HNRNPU: variants seen among roughly 807,000 people sequenced by gnomAD.
HNRNPU encodes HNRNPU antisense RNA 1.
Under a neutral mutation model 94.7 loss-of-function variants are expected in HNRNPU, and 5 were observed. That is an observed-to-expected ratio of 0.05 (90% confidence interval 0.03 to 0.11). HNRNPU has a LOEUF of 0.11. Ranked by LOEUF, HNRNPU falls within the 10% of genes least tolerant of loss-of-function variation. The pLI, the probability that HNRNPU is intolerant of heterozygous loss-of-function variation, is 1.00. For missense variants in HNRNPU, 710 were observed against 1,049.2 expected (o/e 0.68, Z 4.47); for synonymous variants, 434 against 381.6 (o/e 1.14, Z -1.60).
Position 244,863,021 on chromosome 1 carries a change from G to A in HNRNPU, c.692-291C>T, listed in dbSNP as rs530977957. On this transcript the variant is annotated intron_variant, in intron 1 of 13. Coordinates refer to ENST00000640218, the MANE Select transcript of HNRNPU (RefSeq NM_031844.3). ...TGTATCCCGAAGAGAGCGCAGAGAGGGGGAGGGGCCGAGCCCGGCGCGGCG... is the reference window on the plus strand; with the variant it reads ...TGTATCCCGAAGAGAGCGCAGAGAGAGGGAGGGGCCGAGCCCGGCGCGGCG... The A allele has an allele frequency of 2.4e-3, 891 of 364,680 alleles. 7 individuals are homozygous for A. The highest frequency in any genetic ancestry group is 0.017 in the African/African-American group (816 of 46,696). 22.6% of individuals were successfully genotyped at this position (364,680 alleles called of 1,614,324 possible).
rs1680610574 is a variant in HNRNPU, at chr1:244,853,931, C to T, written c.*519G>A. The T allele has an allele frequency of 6.5e-6, 1 of 152,760 alleles. No individual in the cohort carries two copies. Among genetic ancestry groups the T allele is most frequent in the Admixed American group, 6.5e-5 (1 of 15,278 alleles). 9.5% of individuals were successfully genotyped at this position (152,760 alleles called of 1,614,324 possible). ...GTTATTGTCAGAAACTATGATTTAG[C>T]TTACCCCCTCCACTACCCAGCAAAC... On this transcript the variant is annotated 3_prime_UTR_variant, in exon 14 of 14. Coordinates refer to ENST00000640218, the MANE Select transcript of HNRNPU (RefSeq NM_031844.3).
rs760295056 is a variant in HNRNPU at position 244,864,336 on chromosome 1, CT to C, written c.-30del. The C allele has an allele frequency of 5.6e-6, 9 of 1,606,144 alleles. No individual in the cohort carries two copies. In the Admixed American group the frequency reaches 1.6e-4, roughly 28 times the overall value. ...GAGGGCCCCGATTCACCGCTAGGCG[CT>C]GCCTCAAACTCGGCTCCGCTCACTC... is the stretch of plus-strand genomic sequence containing the variant. On this transcript the variant is annotated 5_prime_UTR_variant, in exon 1 of 14. Transcript: ENST00000640218.
At position 244,864,242 on chromosome 1, in the gene HNRNPU, C is replaced by T. The variant is rs1680940297; in HGVS notation, c.66G>A (p.Lys22=). 9 of 1,613,378 alleles carry T rather than the reference C, an allele frequency of 5.6e-6. No homozygotes were observed. Among genetic ancestry groups the T allele is most frequent in the Non-Finnish European group, 6.8e-6 (8 of 1,179,772 alleles). The change falls in exon 1 of 14, where the codon AAG becomes AAA. Residue 22 remains lysine, a synonymous_variant. Coordinates refer to ENST00000640218, the MANE Select transcript of HNRNPU (RefSeq NM_031844.3). ...TGAGACCCTTGTCAGAAAGGCGTCGCTTCTTGAGCTCCTCTTTCAGCTCCG... is the reference window on the plus strand; with the variant it reads ...TGAGACCCTTGTCAGAAAGGCGTCGTTTCTTGAGCTCCTCTTTCAGCTCCG... ...KVSELKEELK[K]RRLSDKGLKA...
intron 3 of HNRNPU, 159 bp downstream of exon 3, chr1:244,862,302 A>G (rs1680851958): frequency 1.7e-6 from 1 of 591,302 alleles, no homozygotes; most frequent in Admixed American, 3.2e-5. Flanking sequence ...GACGTGCTAA[A>G]TATTAAACTA....
chr1:244,859,164 C>A (rs1254009752), intron 5 of HNRNPU, 111 bp downstream of exon 5: 2 of 639,286 alleles, frequency 3.1e-6, no homozygotes, highest in Non-Finnish European at 5.6e-6. Flanking sequence ...GAAGTATTAA[C>A]AGAATAGATA....
chr1:244,855,104 G>C, intron 12 of HNRNPU, 60 bp from the exon 13 acceptor site: 1 of 1,366,560 alleles, frequency 7.3e-7, no homozygotes, highest in South Asian at 1.2e-5. Flanking sequence ...GGTTTGTGGG[G>C]GTGAGAGAGA....
At chr1:244,857,113 C>T (rs1680701190) in intron 8 of HNRNPU, 1 of 340,500 alleles carries the variant, frequency 2.9e-6, no homozygotes, top group African/African-American at 2.1e-5. Flanking sequence ...CAGTGGAAGG[C>T]AGTTTACCCT....
In HNRNPU at chr1:244,858,283, C is replaced by A. The variant is rs371751538; in HGVS notation, c.1231-9G>T. 3 of 1,605,060 alleles carry A rather than the reference C, an allele frequency of 1.9e-6. No homozygotes were observed. The Admixed American group carries it at 5.2e-5, about 28-fold the overall frequency. On this transcript the variant is annotated splice_polypyrimidine_tract_variant and intron_variant, in intron 6 of 13. Transcript: ENST00000640218. ...TCATCACTTTCAAAGTTCTGTTACACAGAAAAAAATTCAACAGTTAAAATC... is the reference window on the plus strand; with the variant it reads ...TCATCACTTTCAAAGTTCTGTTACAAAGAAAAAAATTCAACAGTTAAAATC...
chr1:244,862,776 A>G, intron 1 of HNRNPU, 46 bp from the exon 2 acceptor site: 1 of 1,435,244 alleles, frequency 7.0e-7, no homozygotes, highest in East Asian at 2.3e-5. Context: ...CTAAACAACA[A>G]AAAAACGCTT....
Position 244,856,439 on chromosome 1 carries a change from A to G in HNRNPU, c.1912+18T>C, listed in dbSNP as rs761282964. On this transcript the variant is annotated intron_variant, in intron 10 of 13. Coordinates refer to ENST00000640218, the MANE Select transcript of HNRNPU (RefSeq NM_031844.3). ...TAAAAAGAAGATTTCACACAGTAAC[A>G]GAATTAAAATTCCATGCCTTTCATT... 2.0e-5 allele frequency: 32 copies of G among 1,598,440 alleles called. No individual in the cohort carries two copies. The highest frequency in any genetic ancestry group is 2.2e-5 in the Non-Finnish European group (26 of 1,172,534).
At chr1:244,855,819 G>A in intron 11 of HNRNPU, 85 bp downstream of exon 11, 3 of 1,493,874 alleles carry the variant, frequency 2.0e-6, no homozygotes, top group South Asian at 1.3e-5. Flanking sequence ...CATTAATGAG[G>A]AAGAAACTTC....
intron 11 of HNRNPU, 118 bp downstream of exon 11, chr1:244,855,786 C>G: frequency 7.7e-7 from 1 of 1,295,448 alleles, no homozygotes; most frequent in Non-Finnish European, 1.1e-6. Context: ...CACATGAATA[C>G]TTTAGTTACT....
In HNRNPU at chr1:244,856,666, A is replaced by T. The variant is rs778163943; in HGVS notation, c.1744-41T>A. 3 of 1,609,498 alleles carry T rather than the reference A, an allele frequency of 1.9e-6. No individual in the cohort carries two copies. In the South Asian group the frequency reaches 3.3e-5, roughly 18 times the overall value. ...TTTATGTTTACAACCCTAAACATTA[A>T]TTCTACACCAATCTATCTAAATTAT... On this transcript the variant is annotated intron_variant, in intron 9 of 13. Transcript: ENST00000640218.
intron 1 of HNRNPU, 39 bp downstream of exon 1, chr1:244,863,578 G>T: frequency 7.3e-7 from 1 of 1,377,884 alleles, no homozygotes; most frequent in South Asian, 1.7e-5. Context: ...CACCCCGCGC[G>T]GGCCTCCCGC....
In HNRNPU at chr1:244,864,512, T is replaced by C; in HGVS notation, c.-205A>G. On this transcript the variant is annotated 5_prime_UTR_variant, in exon 1 of 14. Coordinates refer to ENST00000640218, the MANE Select transcript of HNRNPU (RefSeq NM_031844.3). ...GAGTTCGCGAGGGAGACGCGGAGAC[T>C]CGCCTGGCGCGAGCGAGCACGCAAC... 1.2e-6 allele frequency: 1 copy of C among 828,552 alleles called. No homozygotes were observed. The highest frequency in any genetic ancestry group is 1.8e-6 in the Non-Finnish European group (1 of 565,702). 51.3% of individuals were successfully genotyped at this position (828,552 alleles called of 1,614,324 possible).
In HNRNPU at chr1:244,855,609, C is replaced by CTTT. The variant is rs764014570; in HGVS notation, c.2168-2_2168-1insAAA. ...TTATATCCGCCACGATTCCCAGGGG[C>CTTT]TAAAAGACAAGAGCTGTTTTAGTTT... On this transcript the variant is annotated splice_acceptor_variant, in intron 11 of 13. Coordinates refer to ENST00000640218, the MANE Select transcript of HNRNPU (RefSeq NM_031844.3). LOFTEE classifies it high-confidence loss of function. 1 of 1,613,902 alleles carries CTTT rather than the reference C, an allele frequency of 6.2e-7. No homozygotes were observed. Among genetic ancestry groups the CTTT allele is most frequent in the African/African-American group, 1.3e-5 (1 of 74,994 alleles).
intron 6 of HNRNPU, 70 bp downstream of exon 6, chr1:244,858,659 G>T: frequency 1.2e-6 from 1 of 814,724 alleles, no homozygotes; most frequent in Non-Finnish European, 2.1e-6. Context: ...CCTCAGTAAA[G>T]CTTCTTTAAA....
intron 1 of HNRNPU, 134 bp downstream of exon 1, chr1:244,863,483 C>G: frequency 1.9e-6 from 2 of 1,056,830 alleles, no homozygotes; most frequent in Non-Finnish European, 2.4e-6. Context: ...ATTCCCCGCG[C>G]CCCCTCCCCC....
chr1:244,856,237 G>A (rs1029030200), intron 10 of HNRNPU, 79 bp from the exon 11 acceptor site: 66 of 1,399,996 alleles, frequency 4.7e-5, no homozygotes, highest in Admixed American at 2.0e-4. Flanking sequence ...AATTCTTGAG[G>A]TTTAGTAACA....
Sources: allele counts gnomAD v4.1 joint callset, GRCh38; gene constraint gnomAD v4.1.1; transcripts MANE v1.5; gene names NCBI Gene and HGNC (gene_info 2026-07-23, HGNC 2026-07-21).